The following L3MBTL4 variants were observed in gnomAD, a reference collection of about 807,000 sequenced individuals.
The protein encoded by L3MBTL4 is L3MBTL histone methyl-lysine binding protein 4.
In L3MBTL4, 70 loss-of-function variants were observed where a neutral mutation model predicts 84.5. The ratio of observed to expected loss-of-function variants is 0.83; its 90% confidence interval spans 0.68 to 1.01. The LOEUF (loss-of-function observed/expected upper bound fraction) is 1.01. L3MBTL4 is among the 50% of genes least tolerant of loss of function. L3MBTL4 has a pLI of 0.00. For missense variants in L3MBTL4, 715 were observed against 754.8 expected, an observed-to-expected ratio of 0.95 and a Z score of 0.62; for synonymous variants, 274 against 259.8, an observed-to-expected ratio of 1.05 and a Z score of -0.52.
At chr18:6,378,659 T>C (rs772585612) in intron 1 of L3MBTL4, among the ~76,000 whole-genome samples, 1 of 152,152 alleles carries the variant, frequency 6.6e-6, no homozygotes, top group Non-Finnish European at 1.5e-5. Context: ...GAGGCCTCTG[T>C]TCTGTTCTGT....
chr18:6,249,926 A>T (rs2047850400), intron 5 of L3MBTL4, among the ~76,000 whole-genome samples: 1 of 152,200 alleles, frequency 6.6e-6, no homozygotes, highest in Admixed American at 6.5e-5. Context: ...CTAGTTTAGT[A>T]GCCTAGTACA....
intron 5 of L3MBTL4, among the ~76,000 whole-genome samples, chr18:6,254,976 T>C (rs996274697): frequency 6.6e-6 from 1 of 152,170 alleles, no homozygotes; most frequent in Non-Finnish European, 1.5e-5. Context: ...CCATTCATAA[T>C]ACAGGACTGC....
chr18:6,271,315 T>C (rs556931028), intron 4 of L3MBTL4, among the ~76,000 whole-genome samples: 1 of 152,222 alleles, frequency 6.6e-6, no homozygotes, highest in Admixed American at 6.5e-5. Context: ...TTCCACATTG[T>C]ATTTATAAAT....
chr18:6,398,203 T>G (rs2055356610), intron 1 of L3MBTL4, among the ~76,000 whole-genome samples: 1 of 152,180 alleles, frequency 6.6e-6, no homozygotes. Flanking sequence ...AGTTGGCAAC[T>G]CTCTATAAGC....
intron 14 of L3MBTL4, among the ~76,000 whole-genome samples, chr18:6,124,310 T>C (rs1376051794): frequency 6.6e-6 from 1 of 151,572 alleles, no homozygotes; most frequent in African/African-American, 2.4e-5. Context: ...GAGGAAAAAA[T>C]GGTCTCGTAC....
At chr18:6,168,948 C>A (rs2043823364) in intron 13 of L3MBTL4, among the ~76,000 whole-genome samples, 1 of 152,096 alleles carries the variant, frequency 6.6e-6, no homozygotes, top group Non-Finnish European at 1.5e-5. Context: ...GGGCTAATAT[C>A]CAGAATCTAC....
At chr18:6,024,801 AAAG>A (rs2055429079) in intron 16 of L3MBTL4, among the ~76,000 whole-genome samples, 1 of 152,230 alleles carries the variant, frequency 6.6e-6, no homozygotes. Flanking sequence ...GAGTATTAAA[AAAG>A]ACCCTCATAT....
At chr18:6,411,917 A>G (rs533469503) in intron 1 of L3MBTL4, among the ~76,000 whole-genome samples, 1 of 152,278 alleles carries the variant, frequency 6.6e-6, no homozygotes, top group Admixed American at 6.5e-5. Context: ...ACCAAAATAT[A>G]TTTCCTATAA....
At chr18:6,254,591 T>G (rs1240695263) in intron 5 of L3MBTL4, among the ~76,000 whole-genome samples, 3 of 152,158 alleles carry the variant, frequency 2.0e-5, no homozygotes, top group Non-Finnish European at 2.9e-5. Flanking sequence ...TTGAACATTT[T>G]TCATAGATTA....
chr18:6,132,605 C>A (rs2059907436), intron 14 of L3MBTL4, among the ~76,000 whole-genome samples: 1 of 152,216 alleles, frequency 6.6e-6, no homozygotes, highest in Non-Finnish European at 1.5e-5. Flanking sequence ...TTTCTTTAAA[C>A]CTTTCTTTTT....
Position 6,213,277 on chromosome 18 carries a change from A to G in L3MBTL4, c.871-18T>C. ...GGCAACCTCTGTAAATGTTATTATA[A>G]GTACAACAAATCATGCAAAATTCAG... On this transcript the variant is annotated intron_variant, in intron 11 of 18. Transcript: ENST00000317931. 1 of 1,420,962 alleles carries G rather than the reference A, an allele frequency of 7.0e-7. No individual in the cohort carries two copies. The highest frequency in any genetic ancestry group is 9.7e-7 in the Non-Finnish European group (1 of 1,026,562). 88.0% of individuals were successfully genotyped at this position (1,420,962 alleles called of 1,614,324 possible).
At position 6,038,251 on chromosome 18, in the gene L3MBTL4, C is replaced by CTTTTTTTTT. The variant is rs34580980; in HGVS notation, c.1444+42621_1444+42629dup. 3.1e-4 allele frequency among the ~76,000 whole-genome samples: 30 copies of CTTTTTTTTT among 97,856 alleles called. 1 individual carries two copies. Among genetic ancestry groups the CTTTTTTTTT allele is most frequent in the Non-Finnish European group, 5.0e-4 (25 of 49,520 alleles). The allele number at this position is 97,856 out of a possible 152,430, so 64.2% of individuals were successfully genotyped here. On this transcript the variant is annotated intron_variant, in intron 16 of 18. Transcript: ENST00000317931. ...GGATACTAGAAATCCATTTCTGGAT[C>CTTTTTTTTT]TTTTTTTTTTTTTTTTTTTTGAGAC...
chr18:6,064,600 T>TG (rs1392203324), intron 16 of L3MBTL4, among the ~76,000 whole-genome samples: 2 of 150,882 alleles, frequency 1.3e-5, no homozygotes, highest in Admixed American at 6.6e-5. Flanking sequence ...ATTCCTAGGT[T>TG]TTTTTTTTTT....
At chr18:6,195,602 G>A (rs911872184) in intron 12 of L3MBTL4, among the ~76,000 whole-genome samples, 32 of 152,354 alleles carry the variant, frequency 2.1e-4, no homozygotes, top group African/African-American at 7.2e-4. Context: ...CACACTCAGA[G>A]AAAGCCTCAC....
chr18:6,058,397 T>C (rs960495192), intron 16 of L3MBTL4, among the ~76,000 whole-genome samples: 1 of 152,196 alleles, frequency 6.6e-6, no homozygotes, highest in Non-Finnish European at 1.5e-5. Flanking sequence ...TTATGGAGTA[T>C]AAATCTCAGG....
chr18:6,226,706 T>C (rs1007366807), intron 10 of L3MBTL4, among the ~76,000 whole-genome samples: 4 of 152,130 alleles, frequency 2.6e-5, no homozygotes, highest in Non-Finnish European at 2.9e-5. Context: ...AGGTATATCA[T>C]AAACTGTAGA....
chr18:6,375,149 C>T (rs1202037510), intron 1 of L3MBTL4, among the ~76,000 whole-genome samples: 4 of 152,128 alleles, frequency 2.6e-5, no homozygotes, highest in African/African-American at 9.7e-5. Flanking sequence ...CTGGCGGCCA[C>T]CTAGATCACT....
At chr18:6,301,055 A>G (rs994642848) in intron 4 of L3MBTL4, among the ~76,000 whole-genome samples, 1 of 152,200 alleles carries the variant, frequency 6.6e-6, no homozygotes, top group African/African-American at 2.4e-5. Flanking sequence ...TAGGGAGAAA[A>G]ATCACAAATT....
intron 13 of L3MBTL4, among the ~76,000 whole-genome samples, chr18:6,138,630 C>A (rs1313542465): frequency 6.6e-6 from 1 of 152,180 alleles, no homozygotes; most frequent in African/African-American, 2.4e-5. Flanking sequence ...CGGCTCACTG[C>A]AACCTCTGCC....
Sources: gnomAD v4.1 joint callset for allele counts (sites outside exome capture counted in the v4.1 genomes callset) on GRCh38, gnomAD v4.1.1 for gene constraint, MANE v1.5 for transcripts, NCBI Gene and HGNC (gene_info 2026-07-23, HGNC 2026-07-21) for gene names.